The following ZBTB34 variants were observed in gnomAD, a reference collection of about 807,000 sequenced individuals.
The protein encoded by ZBTB34 is zinc finger and BTB domain containing 34, also known as zinc finger and BTB domain-containing protein 34.
In ZBTB34, 1 loss-of-function variant was observed where a neutral mutation model predicts 33.4. The ratio of observed to expected loss-of-function variants is 0.03; its 90% CI spans 0.01 to 0.14. ZBTB34 has a LOEUF of 0.14. ZBTB34 is among the 10% of genes least tolerant of loss of function. The pLI, the probability that ZBTB34 is intolerant of heterozygous loss-of-function variation, is 1.00. For missense variants in ZBTB34, 406 were observed against 657.2 expected (o/e 0.62, Z 4.18); for synonymous variants, 283 against 253.5 (o/e 1.12, Z -1.11).
At chr9:126,860,689 C>G (rs940663386) in exon 1 of ZBTB34, 5 of 145,482 alleles carry the variant, frequency 3.4e-5, no homozygotes, top group African/African-American at 1.2e-4. Context: ...GCGCCGGCGG[C>G]GGCGGAGGGG....
chr9:126,885,204 G>C (rs1166655799), exon 2 of ZBTB34: 1 of 166,994 alleles, frequency 6.0e-6, no homozygotes, highest in South Asian at 2.1e-4. Flanking sequence ...TTGACTTCTC[G>C]GCCCGGAAGA....
rs1345761231 is a variant in ZBTB34, at chr9:126,879,148, A to T, written c.-10-242A>T. Among the ~76,000 whole-genome samples, 1 of 152,218 alleles carries T rather than the reference A, an allele frequency of 6.6e-6. No homozygotes were observed. The highest frequency in any genetic ancestry group is 2.1e-4 in the South Asian group (1 of 4,838). ...AAAATAGTCCTACTATGTGTAAAAT[A>T]TTTTACTTTTGATCAAGATGAATAT... is the stretch of plus-strand genomic sequence containing the variant. On this transcript the variant is annotated intron_variant, in intron 1 of 1. Coordinates refer to ENST00000319119, the Ensembl canonical transcript of ZBTB34. This position sits in a 1 kb window ranked among gnomAD's most constrained non-coding sequence, Gnocchi z 6.4.
At chr9:126,878,060 G>T (rs2033385582) in intron 1 of ZBTB34, among the ~76,000 whole-genome samples, 1 of 152,022 alleles carries the variant, frequency 6.6e-6, no homozygotes. Context: ...CACTGGTCGG[G>T]TGTGGCAGCT....
chr9:126,880,326 C>T lies in ZBTB34; in HGVS notation c.927C>T (p.Ser309=), dbSNP rs1380179685. The T allele has an allele frequency of 6.2e-7, 1 of 1,613,988 alleles. No homozygotes were observed. The highest frequency in any genetic ancestry group is 1.7e-5 in the Admixed American group (1 of 60,024). Reference sequence around the variant, plus strand: ...AAGCTTTTGGAAGTTTGAGTAATTCCAGCCCATCCAGGTCCATGCTGAGCT... The same window carrying T: ...AAGCTTTTGGAAGTTTGAGTAATTCTAGCCCATCCAGGTCCATGCTGAGCT... The change falls in exon 2 of 2, where the codon TCC becomes TCT. Residue 309 remains serine (S), a synonymous_variant. Coordinates refer to ENST00000319119, the Ensembl canonical transcript of ZBTB34. The surrounding 1 kb of genome is among the most constrained non-coding windows in gnomAD (Gnocchi z 6.7).
At chr9:126,877,863 G>A (rs1249578851) in intron 1 of ZBTB34, among the ~76,000 whole-genome samples, 1 of 151,666 alleles carries the variant, frequency 6.6e-6, no homozygotes, top group Non-Finnish European at 1.5e-5. Context: ...AAACTAGCTG[G>A]GTGTGGTGGT....
chr9:126,870,211 T>G (rs1207318212), intron 1 of ZBTB34, among the ~76,000 whole-genome samples: 1 of 152,156 alleles, frequency 6.6e-6, no homozygotes, highest in African/African-American at 2.4e-5. Flanking sequence ...AGCTGCAAAC[T>G]TAATCTAAAT....
intron 1 of ZBTB34, among the ~76,000 whole-genome samples, chr9:126,871,022 A>G (rs766308348): frequency 1.3e-5 from 2 of 152,146 alleles, no homozygotes; most frequent in Admixed American, 6.5e-5. Flanking sequence ...ATTGCTGGCC[A>G]CTATGGGGAA....
At chr9:126,881,767 A>G (rs1034574219) in exon 2 of ZBTB34, 2 of 166,952 alleles carry the variant, frequency 1.2e-5, no homozygotes, top group Non-Finnish European at 2.9e-5. Flanking sequence ...ATATTAGCCA[A>G]CCCCAAAGGA....
chr9:126,860,682 C>T (rs2033129763), exon 1 of ZBTB34: 1 of 146,466 alleles, frequency 6.8e-6, no homozygotes, highest in Non-Finnish European at 1.5e-5. Context: ...TGGCCTGGCG[C>T]CGGCGGCGGC....
chr9:126,870,508 T>C (rs2033263016), intron 1 of ZBTB34, among the ~76,000 whole-genome samples: 1 of 152,228 alleles, frequency 6.6e-6, no homozygotes, highest in Non-Finnish European at 1.5e-5. Flanking sequence ...TTCCTTAATT[T>C]GCGAAGAGCT....
exon 2 of ZBTB34, chr9:126,882,450 G>A (rs1300043366): frequency 1.2e-5 from 2 of 167,018 alleles, no homozygotes; most frequent in Admixed American, 6.5e-5. Context: ...TAGTACTTTC[G>A]GAAATGTCTT....
Position 126,880,384 on chromosome 9 carries a change from G to A in ZBTB34, c.985G>A (p.Ala329Thr). 2 of 1,613,664 alleles carry A rather than the reference G, an allele frequency of 1.2e-6. No homozygotes were observed. The highest frequency in any genetic ancestry group is 2.2e-5 in the East Asian group (1 of 44,886). ...AGGAGGGCGTGCCCGCCAGAAGCGG[G>A]CTTTGTCTGTCCACCTGCACAGTGA... Residue 329 changes from alanine (A) to threonine (T), a missense_variant, in exon 2 of 2, where the codon GCT becomes ACT. Transcript: ENST00000319119. The surrounding 1 kb of genome is among the most constrained non-coding windows in gnomAD (Gnocchi z 6.7).
rs370096915 is a variant in ZBTB34, at chr9:126,880,285, C to G, written c.886C>G (p.Pro296Ala). 1 of 1,614,004 alleles carries G rather than the reference C, an allele frequency of 6.2e-7. No individual in the cohort carries two copies. The highest frequency in any genetic ancestry group is 2.2e-5 in the East Asian group (1 of 44,878). The change falls in exon 2 of 2, where the codon CCA becomes GCA. Residue 296 changes from proline to alanine, a missense_variant. By Grantham distance (27) the Pro-to-Ala change is conservative (BLOSUM62 -1). This residue lies in a region of ZBTB34 where 123 missense variants were observed against 140.4 expected (regional missense o/e 0.88). Transcript: ENST00000319119. The surrounding 1 kb of genome is among the most constrained non-coding windows in gnomAD (Gnocchi z 6.7). ...CTCCTATTCCCAAGCAGCCTCACAG[C>G]CAACCAATGTATCAGAAGCTTTTGG... is the stretch of plus-strand genomic sequence containing the variant.
Position 126,880,459 on chromosome 9 carries a change from C to G in ZBTB34, c.1060C>G (p.Pro354Ala), listed in dbSNP as rs2033422763. The change falls in exon 2 of 2, where the codon CCC becomes GCC. Residue 354 changes from proline (P) to alanine (A), a missense_variant. Pro to Ala is a conservative substitution (Grantham distance 27). This residue lies in a region of ZBTB34 where 123 missense variants were observed against 140.4 expected (regional missense o/e 0.88). Transcript: ENST00000319119. This position sits in a 1 kb window ranked among gnomAD's most constrained non-coding sequence, Gnocchi z 6.7. ...TGACAGTGAAGCCATGATGAACAAC[C>G]CCGGGTATGAGAGCAGTCCCCGGGA... 1.2e-6 allele frequency: 2 copies of G among 1,613,632 alleles called. No homozygotes were observed. Among genetic ancestry groups the G allele is most frequent in the Non-Finnish European group, 1.7e-6 (2 of 1,179,880 alleles).
rs763397680 is a variant in ZBTB34, at chr9:126,880,818, G to A, written c.1419G>A (p.Val473=). 6 of 1,613,756 alleles carry A rather than the reference G, an allele frequency of 3.7e-6. No homozygotes were observed. The Admixed American group carries it at 6.7e-5, about 18-fold the overall frequency. Residue 473 remains valine, a synonymous_variant, in exon 2 of 2, where the codon GTG becomes GTA. Transcript: ENST00000319119. The surrounding 1 kb of genome is among the most constrained non-coding windows in gnomAD (Gnocchi z 6.7). The stretch of plus-strand genomic sequence containing the variant: ...TTGAGTCCCCCGAGAGAACAGATGT[G>A]TACGTGGAACAGAAACTAGAAAATG...
chr9:126,861,938 T>C (rs551315109), intron 1 of ZBTB34, among the ~76,000 whole-genome samples: 1 of 152,296 alleles, frequency 6.6e-6, no homozygotes, highest in East Asian at 1.9e-4. Context: ...TGCTTGCTTA[T>C]TAAATGGCAA....
rs187710531 is a variant in ZBTB34, at chr9:126,862,885, A to G, written c.-11+2146A>G. ...AAATACTTCCTGATTTTTGTTGGTA[A>G]ACAACTTTTTGTTTTGTTTTGTAAT... On this transcript the variant is annotated intron_variant, in intron 1 of 1. Coordinates refer to ENST00000319119, the Ensembl canonical transcript of ZBTB34. 2.0e-3 allele frequency among the ~76,000 whole-genome samples: 291 copies of G among 148,938 alleles called. 1 individual carries two copies. Among genetic ancestry groups the G allele is most frequent in the Middle Eastern group, 6.8e-3 (2 of 292 alleles).
At chr9:126,867,252 A>G (rs2033216773) in intron 1 of ZBTB34, among the ~76,000 whole-genome samples, 1 of 151,950 alleles carries the variant, frequency 6.6e-6, no homozygotes. Flanking sequence ...TGTGGACCAA[A>G]AGGTAAATGC....
rs1346577990 is a variant in ZBTB34 at position 126,880,271 on chromosome 9, A to T, written c.872A>T (p.Gln291Leu). The T allele has an allele frequency of 1.2e-6, 2 of 1,613,822 alleles. No individual in the cohort carries two copies. Among genetic ancestry groups the T allele is most frequent in the Non-Finnish European group, 1.7e-6 (2 of 1,179,898 alleles). Residue 291 changes from glutamine (Q) to leucine (L), a missense_variant, in exon 2 of 2, where the codon CAA becomes CTA. This residue lies in a region of ZBTB34 where 123 missense variants were observed against 140.4 expected (regional missense o/e 0.88). Transcript: ENST00000319119. The surrounding 1 kb of genome is among the most constrained non-coding windows in gnomAD (Gnocchi z 6.7). ...CTCCAGCACGCATACTCCTATTCCCAAGCAGCCTCACAGCCAACCAATGTA... is the reference window on the plus strand; with the variant it reads ...CTCCAGCACGCATACTCCTATTCCCTAGCAGCCTCACAGCCAACCAATGTA...
Sources: allele counts gnomAD v4.1 joint callset (sites outside exome capture counted in the v4.1 genomes callset), GRCh38; gene constraint gnomAD v4.1.1; regional missense constraint gnomAD v4.1.1; non-coding constraint Gnocchi (gnomAD v3.1); transcripts MANE v1.5; gene names NCBI Gene and HGNC (gene_info 2026-07-23, HGNC 2026-07-21).